Variants in DNAH9 observed in about 807,000 individuals in gnomAD.
DNAH9 encodes the protein DNAH9 variant protein.
In DNAH9, 345 loss-of-function variants were observed where a neutral mutation model predicts 471.6. The ratio of observed to expected loss-of-function variants is 0.73; its 90% CI spans 0.67 to 0.80. The LOEUF is 0.80. Among genes scored for constraint, DNAH9 ranks in the 30% least tolerant of loss-of-function variants. The pLI is 0.00. For missense variants in DNAH9, 5,407 were observed against 5,609.2 expected (o/e 0.96, Z 1.15); for synonymous variants, 2,093 against 2,123.6 (o/e 0.99, Z 0.40).
chr17:11,639,474 C>T (rs1366898280), intron 9 of DNAH9, among the ~76,000 whole-genome samples: 2 of 152,216 alleles, frequency 1.3e-5, no homozygotes, highest in Non-Finnish European at 2.9e-5. Flanking sequence ...ATTGCTTGGG[C>T]TAACATAAGC....
chr17:11,624,307 G>C (rs2072929813), intron 6 of DNAH9, among the ~76,000 whole-genome samples: 1 of 152,168 alleles, frequency 6.6e-6, no homozygotes, highest in Non-Finnish European at 1.5e-5. Context: ...TCAGGAGTTT[G>C]AGACAAGCCT....
intron 7 of DNAH9, among the ~76,000 whole-genome samples, chr17:11,631,408 A>G (rs1055477454): frequency 6.6e-6 from 1 of 152,142 alleles, no homozygotes; most frequent in Admixed American, 6.6e-5. Flanking sequence ...TAAGAATTCT[A>G]TTAGTCAAAA....
In DNAH9 at chr17:11,934,087, G is replaced by A; in HGVS notation, c.12489+16G>A. On this transcript the variant is annotated intron_variant, in intron 65 of 68. Transcript: ENST00000262442. Reference sequence around the variant, plus strand: ...TTATCATCAGGTGAGACTCTGCTCTGTGCTTCTGATGTCGTGAGGGTGCTC... The same window carrying A: ...TTATCATCAGGTGAGACTCTGCTCTATGCTTCTGATGTCGTGAGGGTGCTC... The A allele has an allele frequency of 1.9e-6, 3 of 1,607,184 alleles. No individual in the cohort carries two copies. Among genetic ancestry groups the A allele is most frequent in the Non-Finnish European group, 2.6e-6 (3 of 1,175,714 alleles).
chr17:11,881,223 G>T lies in DNAH9; in HGVS notation c.10616G>T (p.Gly3539Val), dbSNP rs1401765716. 2 of 1,614,162 alleles carry T rather than the reference G, an allele frequency of 1.2e-6. No homozygotes were observed. Among genetic ancestry groups the T allele is most frequent in the African/African-American group, 2.7e-5 (2 of 75,046 alleles). ...VIKKGRFIKIGDKECEYNPKF... is the reference protein window; with the variant it reads ...VIKKGRFIKIVDKECEYNPKF... Reference sequence around the variant, plus strand: ...TTATGTTCCAGATTCATTAAAATTGGAGACAAAGAATGTGAATACAATCCC... The same window carrying T: ...TTATGTTCCAGATTCATTAAAATTGTAGACAAAGAATGTGAATACAATCCC... The change falls in exon 55 of 69, where the codon GGA becomes GTA. Residue 3539 changes from glycine (G) to valine (V), a missense_variant. Physicochemically the swap from Gly to Val is moderately radical, Grantham distance 109. Around this residue, in one of 3 missense-constraint regions of DNAH9, gnomAD observed 4,636 missense variants for 4,900.3 expected, o/e 0.95. Coordinates refer to ENST00000262442, the MANE Select transcript of DNAH9 (RefSeq NM_001372.4).
rs1972993602 is a variant in DNAH9 at position 11,889,787 on chromosome 17, A to T, written c.11113-1990A>T. On this transcript the variant is annotated intron_variant, in intron 57 of 68. Coordinates refer to ENST00000262442, the MANE Select transcript of DNAH9 (RefSeq NM_001372.4). ...GGTAAAAAGATGAAAAATACCAAAG[A>T]TACAAGGCAGTGGATAAGGGCCCTA... Among the ~76,000 whole-genome samples the T allele has an allele frequency of 2.0e-5, 3 of 152,200 alleles. No individual in the cohort carries two copies. The South Asian group carries it at 6.2e-4, about 31-fold the overall frequency.
Position 11,636,783 on chromosome 17 carries a change from T to C in DNAH9, c.1785T>C (p.Leu595=), listed in dbSNP as rs151314858. Residue 595 remains leucine (L), a splice_region_variant and synonymous_variant, in exon 9 of 69, where the codon CTT becomes CTC. Transcript: ENST00000262442. ...YSQHVQEEAE[L]GFSPVHKNMP... is the part of the protein sequence containing the mutation. Reference sequence around the variant, plus strand: ...AGCACGTCCAGGAGGAAGCAGAACTTGGTAGGCTTGTTAAAGGGGATTTTG... The same window carrying C: ...AGCACGTCCAGGAGGAAGCAGAACTCGGTAGGCTTGTTAAAGGGGATTTTG... The C allele has an allele frequency of 3.1e-6, 5 of 1,613,762 alleles. No individual in the cohort carries two copies. The highest frequency in any genetic ancestry group is 3.3e-5 in the Admixed American group (2 of 59,982).
At chr17:11,704,536 C>T in intron 25 of DNAH9, 94 bp downstream of exon 25, 3 of 1,165,878 alleles carry the variant, frequency 2.6e-6, no homozygotes, top group East Asian at 4.9e-5. Context: ...AGGGTCTGTA[C>T]AGCACTGACC....
chr17:11,961,823 T>C lies in DNAH9; in HGVS notation c.12844-44T>C, dbSNP rs750924503. ...TCTGAGGCCAGGTGTTTTCAGGGAC[T>C]TCCCACCTTCTCACGCTTTCCCCCT... On this transcript the variant is annotated intron_variant, in intron 67 of 68. Transcript: ENST00000262442. The C allele has an allele frequency of 3.2e-6, 5 of 1,550,436 alleles. No homozygotes were observed. In the African/African-American group the frequency reaches 6.8e-5, roughly 21 times the overall value.
chr17:11,801,037 C>T (rs911067756), intron 43 of DNAH9, among the ~76,000 whole-genome samples: 4 of 152,200 alleles, frequency 2.6e-5, no homozygotes, highest in Non-Finnish European at 4.4e-5. Context: ...CAACATAGAA[C>T]TCTCTGTGTG....
chr17:11,902,220 A>G (rs1389843519), intron 59 of DNAH9, among the ~76,000 whole-genome samples: 1 of 152,236 alleles, frequency 6.6e-6, no homozygotes, highest in Non-Finnish European at 1.5e-5. Flanking sequence ...CAAGTTATAC[A>G]TTTGGACTGA....
intron 13 of DNAH9, 81 bp from the exon 14 acceptor site, chr17:11,652,680 T>C: frequency 7.6e-7 from 1 of 1,317,910 alleles, no homozygotes; most frequent in Non-Finnish European, 1.1e-6. Context: ...AAGTATTAAA[T>C]CCCTGTCTTT....
At chr17:11,781,425 C>T (rs1413766325) in intron 39 of DNAH9, among the ~76,000 whole-genome samples, 2 of 152,194 alleles carry the variant, frequency 1.3e-5, no homozygotes, top group Admixed American at 6.5e-5. Flanking sequence ...GAAAAAAAAC[C>T]TACTTTTTGC....
Position 11,810,239 on chromosome 17 carries a change from C to T in DNAH9, c.8584-7C>T. On this transcript the variant is annotated splice_region_variant and splice_polypyrimidine_tract_variant and intron_variant, in intron 44 of 68. Transcript: ENST00000262442. ...TCAGAGATTTCTGATATTGACCATT[C>T]CTACAGATGGACCTGGCCAGCCTGT... 1 of 1,609,042 alleles carries T rather than the reference C, an allele frequency of 6.2e-7. No individual in the cohort carries two copies. The highest frequency in any genetic ancestry group is 8.5e-7 in the Non-Finnish European group (1 of 1,178,118).
chr17:11,860,909 A>G (rs1971821793), intron 50 of DNAH9, among the ~76,000 whole-genome samples: 1 of 152,126 alleles, frequency 6.6e-6, no homozygotes, highest in Non-Finnish European at 1.5e-5. Flanking sequence ...TCTCGTGGAC[A>G]GTCAATGTCT....
chr17:11,900,662 T>C (rs1973379972), intron 59 of DNAH9, among the ~76,000 whole-genome samples: 1 of 152,154 alleles, frequency 6.6e-6, no homozygotes, highest in Non-Finnish European at 1.5e-5. Flanking sequence ...TTTTTTATTA[T>C]TTTCTTCCCC....
intron 56 of DNAH9, chr17:11,884,306 A>C: frequency 4.7e-6 from 1 of 214,600 alleles, no homozygotes; most frequent in Non-Finnish European, 9.6e-6. Flanking sequence ...TAATGTTTGG[A>C]AGGCCCTCGG....
In DNAH9 at chr17:11,784,295, TACAGC is replaced by T. The variant is rs1355072891; in HGVS notation, c.7822-4_7822del. 6.2e-7 allele frequency: 1 copy of T among 1,614,138 alleles called. No individual in the cohort carries two copies. Among genetic ancestry groups the T allele is most frequent in the Admixed American group, 1.7e-5 (1 of 60,028 alleles). On this transcript the variant is annotated splice_acceptor_variant and splice_polypyrimidine_tract_variant and coding_sequence_variant and intron_variant, in exon 41 of 69. Transcript: ENST00000262442. LOFTEE classifies it high-confidence loss of function. ...GTTGAGCTCATGCCTTTGTTTCCTG[TACAGC>T]GTCACTTCAGCGTGTTTGTCCTCTC... is the stretch of plus-strand genomic sequence containing the variant.
intron 24 of DNAH9, among the ~76,000 whole-genome samples, chr17:11,702,908 C>G (rs1029809166): frequency 6.6e-6 from 1 of 151,840 alleles, no homozygotes; most frequent in African/African-American, 2.4e-5. Context: ...CTGCCTAACA[C>G]GGTGAAACCC....
chr17:11,705,627 T>C, intron 26 of DNAH9: 1 of 159,700 alleles, frequency 6.3e-6, no homozygotes, highest in East Asian at 1.7e-4. Context: ...GATACAAACA[T>C]ACAATTAGAT....
Sources: gnomAD v4.1 joint callset for allele counts (sites outside exome capture counted in the v4.1 genomes callset) on GRCh38, gnomAD v4.1.1 for gene constraint, gnomAD v4.1.1 regional missense constraint, MANE v1.5 for transcripts, NCBI Gene and HGNC (gene_info 2026-07-23, HGNC 2026-07-21) for gene names.